The following HSD17B12 variants were observed in gnomAD, a reference collection of about 807,000 sequenced individuals.
HSD17B12 encodes the protein hydroxysteroid 17-beta dehydrogenase 12.
In HSD17B12, 32 loss-of-function variants were observed where a neutral mutation model predicts 39.3. That is an observed-to-expected ratio of 0.81 (90% CI 0.61 to 1.09). The LOEUF is 1.09. HSD17B12 is among the 50% of genes least tolerant of loss of function. HSD17B12 has a pLI of 0.00. For missense variants in HSD17B12, 342 were observed against 382.9 expected, an observed-to-expected ratio of 0.89 and a Z score of 0.89; for synonymous variants, 150 against 146.7, an observed-to-expected ratio of 1.02 and a Z score of -0.16.
the HSD17B12 span, among the ~76,000 whole-genome samples, chr11:43,591,721 T>A: frequency 1.3e-5 from 2 of 151,210 alleles, no homozygotes; most frequent in African/African-American, 2.4e-5. Flanking sequence ...TTTGTGTTTC[T>A]TTTTTTTTGT....
the HSD17B12 span, among the ~76,000 whole-genome samples, chr11:43,587,110 A>G: frequency 6.6e-6 from 1 of 152,248 alleles, no homozygotes; most frequent in African/African-American, 2.4e-5. Flanking sequence ...AAGAAGCAAT[A>G]GTATCCTCTC....
chr11:43,780,332 A>AT (rs1565086559), intron 3 of HSD17B12, among the ~76,000 whole-genome samples: 1 of 151,968 alleles, frequency 6.6e-6, no homozygotes. Flanking sequence ...TGCCAGGCTA[A>AT]TTTTTTTATA....
chr11:43,736,360 T>G (rs1390638925), intron 1 of HSD17B12, among the ~76,000 whole-genome samples: 1 of 152,180 alleles, frequency 6.6e-6, no homozygotes, highest in Admixed American at 6.5e-5. Context: ...TGTTTGGGTT[T>G]GCCAGTTTTT....
chr11:43,665,180 G>A, the HSD17B12 span, among the ~76,000 whole-genome samples: 1 of 152,302 alleles, frequency 6.6e-6, no homozygotes, highest in Middle Eastern at 3.4e-3. Context: ...CAAAGCCCTA[G>A]AATTACTCAT....
At chr11:43,773,100 C>A (rs1485772983) in intron 3 of HSD17B12, among the ~76,000 whole-genome samples, 1 of 152,030 alleles carries the variant, frequency 6.6e-6, no homozygotes, top group Non-Finnish European at 1.5e-5. Flanking sequence ...AACAGTGAGA[C>A]CCTGTCTCAA....
intron 1 of HSD17B12, among the ~76,000 whole-genome samples, chr11:43,738,348 A>G (rs1950335508): frequency 6.6e-6 from 1 of 152,042 alleles, no homozygotes; most frequent in African/African-American, 2.4e-5. Flanking sequence ...TCCATTAGCT[A>G]TTCTTCCTGA....
At chr11:43,825,145 T>A (rs1458538272) in intron 6 of HSD17B12, among the ~76,000 whole-genome samples, 7 of 137,614 alleles carry the variant, frequency 5.1e-5, no homozygotes, top group African/African-American at 1.3e-4. Flanking sequence ...AAAAAAAAAA[T>A]TTGGAGTGGA....
At chr11:43,657,654 C>T in the HSD17B12 span, among the ~76,000 whole-genome samples, 4 of 152,120 alleles carry the variant, frequency 2.6e-5, no homozygotes. Context: ...TTCTCCTTCA[C>T]TTATGAAGCT....
the HSD17B12 span, among the ~76,000 whole-genome samples, chr11:43,609,784 CA>C: frequency 6.6e-6 from 1 of 152,216 alleles, no homozygotes; most frequent in East Asian, 1.9e-4. Flanking sequence ...CCAGGTGAAG[CA>C]AGTCATTTTC....
intron 1 of HSD17B12, among the ~76,000 whole-genome samples, chr11:43,685,286 C>CTTTGCTTAGCCATGCTCAAGA (rs56119404): frequency 0.93 from 140,807 of 152,200 alleles, 66,083 homozygotes; most frequent in East Asian, 1. Context: ...TGAAAACATG[C>CTTTGCTTAGCCATGCTCAAGA]ATCAAAGGAT....
intron 2 of HSD17B12, among the ~76,000 whole-genome samples, chr11:43,752,640 G>A (rs1950475804): frequency 6.6e-6 from 1 of 151,240 alleles, no homozygotes; most frequent in Non-Finnish European, 1.5e-5. Context: ...CTTGAACCCA[G>A]GAGGTGGAGG....
At chr11:43,688,142 G>T (rs998365400) in intron 1 of HSD17B12, among the ~76,000 whole-genome samples, 21 of 152,086 alleles carry the variant, frequency 1.4e-4, no homozygotes, top group African/African-American at 5.1e-4. Flanking sequence ...AACCCAGGAG[G>T]CGGAGGTTGC....
At chr11:43,616,759 T>C in the HSD17B12 span, among the ~76,000 whole-genome samples, 1 of 145,740 alleles carries the variant, frequency 6.9e-6, no homozygotes, top group African/African-American at 2.5e-5. Flanking sequence ...GAGAACCATC[T>C]TCTTATTGTC....
At chr11:43,703,037 T>G (rs886637675) in intron 1 of HSD17B12, among the ~76,000 whole-genome samples, 1 of 152,192 alleles carries the variant, frequency 6.6e-6, no homozygotes, top group Non-Finnish European at 1.5e-5. Flanking sequence ...TGTTGTTGTT[T>G]TTTTTGTTTG....
rs147010105 is a variant in HSD17B12, at chr11:43,692,915, T to C, written c.160+11928T>C. ...GCATTGAGTATATAGTTTATTTGCTTCATGGAAATAAATGAATACTACAGT... is the reference window on the plus strand; with the variant it reads ...GCATTGAGTATATAGTTTATTTGCTCCATGGAAATAAATGAATACTACAGT... On this transcript the variant is annotated intron_variant, in intron 1 of 10. Coordinates refer to ENST00000278353, the MANE Select transcript of HSD17B12 (RefSeq NM_016142.3). 2.3e-3 allele frequency among the ~76,000 whole-genome samples: 350 copies of C among 152,278 alleles called. 2 individuals carry two copies. Among genetic ancestry groups the C allele is most frequent in the African/African-American group, 8.0e-3 (333 of 41,558 alleles).
chr11:43,571,316 C>T, the HSD17B12 span, among the ~76,000 whole-genome samples: 1 of 152,202 alleles, frequency 6.6e-6, no homozygotes, highest in Non-Finnish European at 1.5e-5. Flanking sequence ...TGCTTCCCAA[C>T]CCCTGACACC....
the HSD17B12 span, among the ~76,000 whole-genome samples, chr11:43,577,381 G>C: frequency 6.6e-6 from 1 of 152,184 alleles, no homozygotes; most frequent in Non-Finnish European, 1.5e-5. Context: ...TTTAAAGGAG[G>C]GGGAGCGAAG....
chr11:43,580,645 T>A, the HSD17B12 span, among the ~76,000 whole-genome samples: 4 of 151,762 alleles, frequency 2.6e-5, no homozygotes, highest in Non-Finnish European at 4.4e-5. Context: ...GAGAGGTCGC[T>A]CTCTTAAACC....
intron 1 of HSD17B12, among the ~76,000 whole-genome samples, chr11:43,708,615 C>T (rs1400581584): frequency 6.6e-6 from 1 of 152,192 alleles, no homozygotes; most frequent in Non-Finnish European, 1.5e-5. Flanking sequence ...AGATGTCTTA[C>T]TGGGACCGCA....
Sources: gnomAD v4.1 joint callset for allele counts (sites outside exome capture counted in the v4.1 genomes callset) on GRCh38, gnomAD v4.1.1 for gene constraint, MANE v1.5 for transcripts, NCBI Gene and HGNC (gene_info 2026-07-23, HGNC 2026-07-21) for gene names.